SGCZ: variants seen among roughly 807,000 people sequenced by gnomAD.
The protein encoded by SGCZ is sarcoglycan zeta.
A neutral mutation model predicts 41.3 loss-of-function variants in SGCZ; 40 were observed. That is an observed-to-expected ratio of 0.97 (90% CI 0.75 to 1.26). The LOEUF (loss-of-function observed/expected upper bound fraction) is 1.26. Among genes scored for constraint, SGCZ ranks in the 50% most tolerant of loss-of-function variants. SGCZ has a pLI of 0.00. For missense variants in SGCZ, 552 were observed against 369.8 expected (o/e 1.49, Z -4.04); for synonymous variants, 206 against 137.5 (o/e 1.50, Z -3.49).
At position 15,017,128 on chromosome 8, in the gene SGCZ, A is replaced by T. The variant is rs182825605; in HGVS notation, c.39+220457T>A. Among the ~76,000 whole-genome samples, 583 of 152,318 alleles carry T rather than the reference A, an allele frequency of 3.8e-3. 5 individuals are homozygous for T. The highest frequency in any genetic ancestry group is 0.013 in the African/African-American group (560 of 41,566). On this transcript the variant is annotated intron_variant, in intron 1 of 7. Coordinates refer to ENST00000382080, the MANE Select transcript of SGCZ (RefSeq NM_139167.4). The stretch of plus-strand genomic sequence containing the variant: ...TTTAAAAAATCAGTTTATGGATTCA[A>T]GCCTAGATTTGAGTTCTGGCTTTAA...
rs142854785 is a variant in SGCZ, at chr8:15,178,053, A to G, written c.39+59532T>C. 1.0e-3 allele frequency among the ~76,000 whole-genome samples: 159 copies of G among 152,218 alleles called. 1 individual carries two copies. The East Asian group carries it at 0.03, about 29-fold the overall frequency. ...GGGGCCTAGCCTTGCAATTTGCTCCATGTAAACATTCCACTCTGAATTCCC... is the reference window on the plus strand; with the variant it reads ...GGGGCCTAGCCTTGCAATTTGCTCCGTGTAAACATTCCACTCTGAATTCCC... On this transcript the variant is annotated intron_variant, in intron 1 of 7. Coordinates refer to ENST00000382080, the MANE Select transcript of SGCZ (RefSeq NM_139167.4).
intron 2 of SGCZ, among the ~76,000 whole-genome samples, chr8:14,544,430 G>A (rs1440319126): frequency 6.6e-6 from 1 of 152,066 alleles, no homozygotes; most frequent in Non-Finnish European, 1.5e-5. Flanking sequence ...TTGCCTGCGG[G>A]GTCGGGGAAA....
chr8:14,897,688 A>G (rs567179057), intron 1 of SGCZ, among the ~76,000 whole-genome samples: 2 of 152,342 alleles, frequency 1.3e-5, no homozygotes, highest in Admixed American at 6.5e-5. Flanking sequence ...CTAGCATGAT[A>G]CTAAACTCTT....
At position 15,054,633 on chromosome 8, in the gene SGCZ, T is replaced by A. The variant is rs188881421; in HGVS notation, c.39+182952A>T. ...TCTACCATTCACTAGGTATGTAACC[T>A]TTGAAAAAATTATTTATCTTCTTTA... On this transcript the variant is annotated intron_variant, in intron 1 of 7. Coordinates refer to ENST00000382080, the MANE Select transcript of SGCZ (RefSeq NM_139167.4). Among the ~76,000 whole-genome samples, 419 of 152,182 alleles carry A rather than the reference T, an allele frequency of 2.8e-3. 3 individuals carry two copies. Among genetic ancestry groups the A allele is most frequent in the African/African-American group, 8.3e-3 (344 of 41,526 alleles).
At chr8:14,815,585 T>G (rs1401887984) in intron 1 of SGCZ, among the ~76,000 whole-genome samples, 1 of 152,184 alleles carries the variant, frequency 6.6e-6, no homozygotes, top group Admixed American at 6.5e-5. Context: ...AATGTCACAA[T>G]AATATTATCA....
chr8:15,202,629 G>A (rs765105944), intron 1 of SGCZ, among the ~76,000 whole-genome samples: 4 of 151,850 alleles, frequency 2.6e-5, no homozygotes, highest in Non-Finnish European at 5.9e-5. Context: ...AACACAACCT[G>A]TTCCCCAAAA....
intron 1 of SGCZ, among the ~76,000 whole-genome samples, chr8:15,224,527 G>A (rs1287800593): frequency 6.6e-6 from 1 of 152,134 alleles, no homozygotes; most frequent in Non-Finnish European, 1.5e-5. Context: ...TAAAAGGGAA[G>A]TAATTTCTGG....
intron 1 of SGCZ, among the ~76,000 whole-genome samples, chr8:14,950,259 G>T (rs1236219346): frequency 6.6e-6 from 1 of 151,972 alleles, no homozygotes; most frequent in Non-Finnish European, 1.5e-5. Flanking sequence ...CAATAAGTAG[G>T]AACAAACCAA....
At chr8:14,790,227 T>C (rs1211695448) in intron 1 of SGCZ, among the ~76,000 whole-genome samples, 2 of 152,298 alleles carry the variant, frequency 1.3e-5, no homozygotes, top group East Asian at 3.9e-4. Flanking sequence ...TTACACGACA[T>C]AGATACCAAA....
chr8:14,156,703 T>C (rs1803886508), intron 5 of SGCZ, among the ~76,000 whole-genome samples: 1 of 152,204 alleles, frequency 6.6e-6, no homozygotes, highest in Admixed American at 6.5e-5. Context: ...CTTTTCCCTA[T>C]TTAAAGTTTT....
chr8:15,134,845 T>C (rs1462649402), intron 1 of SGCZ, among the ~76,000 whole-genome samples: 1 of 152,240 alleles, frequency 6.6e-6, no homozygotes, highest in Non-Finnish European at 1.5e-5. Flanking sequence ...TGCTTTTTTT[T>C]GATCATTACG....
chr8:15,075,738 T>C (rs544068056), intron 1 of SGCZ, among the ~76,000 whole-genome samples: 1 of 152,328 alleles, frequency 6.6e-6, no homozygotes, highest in African/African-American at 2.4e-5. Flanking sequence ...ATGCCTTTAG[T>C]ATTACATGCC....
At chr8:14,470,098 A>G (rs549852030) in intron 2 of SGCZ, among the ~76,000 whole-genome samples, 62 of 152,172 alleles carry the variant, frequency 4.1e-4, no homozygotes, top group African/African-American at 1.4e-3. Context: ...TGAGCACTCA[A>G]TCTGTGAGGT....
At chr8:15,034,873 A>T (rs1803817912) in intron 1 of SGCZ, among the ~76,000 whole-genome samples, 1 of 152,214 alleles carries the variant, frequency 6.6e-6, no homozygotes, top group Non-Finnish European at 1.5e-5. Flanking sequence ...TTCTTCAGAC[A>T]TTAAGGACAG....
chr8:14,506,928 C>T (rs1262127778), intron 2 of SGCZ, among the ~76,000 whole-genome samples: 12 of 152,080 alleles, frequency 7.9e-5, no homozygotes, highest in African/African-American at 2.9e-4. Context: ...TTGACCAGGC[C>T]TAGGTTCTCA....
At chr8:14,151,462 C>T (rs750766730) in intron 5 of SGCZ, among the ~76,000 whole-genome samples, 7 of 151,554 alleles carry the variant, frequency 4.6e-5, no homozygotes, top group Non-Finnish European at 8.8e-5. Flanking sequence ...AGTGAAAAGA[C>T]ATAACATTTT....
chr8:15,081,583 T>C (rs1459414467), intron 1 of SGCZ, among the ~76,000 whole-genome samples: 8 of 151,508 alleles, frequency 5.3e-5, no homozygotes, highest in Non-Finnish European at 1.0e-4. Context: ...AAAATAGAGG[T>C]TTGTAATAAG....
intron 1 of SGCZ, among the ~76,000 whole-genome samples, chr8:14,766,711 G>C (rs912308474): frequency 6.8e-6 from 1 of 146,764 alleles, no homozygotes; most frequent in African/African-American, 2.5e-5. Context: ...ACAGGCACCT[G>C]TCACCATGTC....
intron 2 of SGCZ, among the ~76,000 whole-genome samples, chr8:14,549,645 C>T (rs984693397): frequency 6.6e-6 from 1 of 151,846 alleles, no homozygotes; most frequent in Non-Finnish European, 1.5e-5. Flanking sequence ...AATGCGGGGA[C>T]GTTGATAGAG....
Sources: allele counts gnomAD v4.1 joint callset (sites outside exome capture counted in the v4.1 genomes callset), GRCh38; gene constraint gnomAD v4.1.1; transcripts MANE v1.5; gene names NCBI Gene and HGNC (gene_info 2026-07-23, HGNC 2026-07-21).